ZBTB20: variants seen among roughly 807,000 people sequenced by gnomAD.
ZBTB20 encodes zinc finger and BTB domain containing 20.
A neutral mutation model predicts 56.9 loss-of-function variants in ZBTB20; 9 were observed. That is an observed-to-expected ratio of 0.16 (90% confidence interval 0.10 to 0.28). The LOEUF (loss-of-function observed/expected upper bound fraction) is 0.28, where lower values mean the gene tolerates loss of function less well. Ranked by LOEUF, ZBTB20 falls within the 10% of genes least tolerant of loss-of-function variation. ZBTB20 has a pLI of 1.00. For missense variants in ZBTB20, 655 were observed against 1,003.0 expected (o/e 0.65, Z 4.69); for synonymous variants, 417 against 420.7 (o/e 0.99, Z 0.11).
intron 1 of ZBTB20, among the ~76,000 whole-genome samples, chr3:115,106,272 C>T (rs1182222337): frequency 7.1e-6 from 1 of 141,272 alleles, no homozygotes; most frequent in Admixed American, 7.4e-5. Flanking sequence ...CTCACTCTGT[C>T]GCCCAGGCTG....
chr3:114,638,523 T>G (rs1335690451), intron 6 of ZBTB20, among the ~76,000 whole-genome samples: 2 of 152,104 alleles, frequency 1.3e-5, no homozygotes, highest in African/African-American at 2.4e-5. Flanking sequence ...CATTCATAAT[T>G]TGAATTCACC....
intron 5 of ZBTB20, among the ~76,000 whole-genome samples, chr3:114,740,188 T>A (rs574146393): frequency 6.6e-6 from 1 of 152,318 alleles, no homozygotes; most frequent in South Asian, 2.1e-4. Context: ...CCATGCCAAA[T>A]GTATATCAAA....
rs138462239 is a variant in ZBTB20, at chr3:114,464,364, G to A, written c.-255+35988C>T. On this transcript the variant is annotated intron_variant, in intron 7 of 11. Coordinates refer to ENST00000675478, the MANE Select transcript of ZBTB20 (RefSeq NM_001348800.3). ...AAAAACATGATCTCTTTTAAAAGGC[G>A]CACTTTACGTGAAACAATTTTAGGA... is the stretch of plus-strand genomic sequence containing the variant. 2.4e-3 allele frequency among the ~76,000 whole-genome samples: 369 copies of A among 152,170 alleles called. 2 individuals carry two copies. The highest frequency in any genetic ancestry group is 8.0e-3 in the African/African-American group (332 of 41,498).
intron 2 of ZBTB20, among the ~76,000 whole-genome samples, chr3:115,049,856 C>A (rs1198249212): frequency 6.6e-6 from 1 of 152,058 alleles, no homozygotes; most frequent in East Asian, 1.9e-4. Flanking sequence ...AGAGGTCAAT[C>A]TGCTAGAATA....
intron 6 of ZBTB20, among the ~76,000 whole-genome samples, chr3:114,654,419 T>C (rs2060287068): frequency 6.6e-6 from 1 of 152,004 alleles, no homozygotes; most frequent in South Asian, 2.1e-4. Flanking sequence ...AACTGGTCTT[T>C]TCTAGATATT....
At chr3:114,616,358 G>C (rs987592631) in intron 6 of ZBTB20, among the ~76,000 whole-genome samples, 3 of 152,134 alleles carry the variant, frequency 2.0e-5, no homozygotes, top group African/African-American at 7.2e-5. Flanking sequence ...TATTTTGCAC[G>C]ATTTTCCTAG....
At chr3:114,998,953 T>C (rs543091053) in intron 2 of ZBTB20, among the ~76,000 whole-genome samples, 1 of 138,572 alleles carries the variant, frequency 7.2e-6, no homozygotes, top group Admixed American at 8.0e-5. Flanking sequence ...AATCAGAATA[T>C]GGTATCATCG....
chr3:114,988,488 T>C (rs1475112939), intron 2 of ZBTB20, among the ~76,000 whole-genome samples: 5 of 152,096 alleles, frequency 3.3e-5, no homozygotes, highest in Non-Finnish European at 7.4e-5. Flanking sequence ...ATTTTCTTAA[T>C]CCAGTCTATC....
At chr3:114,894,747 A>T (rs1467668509) in intron 4 of ZBTB20, among the ~76,000 whole-genome samples, 1 of 152,178 alleles carries the variant, frequency 6.6e-6, no homozygotes, top group African/African-American at 2.4e-5. Flanking sequence ...CCCTGAGAAG[A>T]ACCAACCTGG....
chr3:114,694,451 A>C (rs1179151006), intron 5 of ZBTB20, among the ~76,000 whole-genome samples: 1 of 152,100 alleles, frequency 6.6e-6, no homozygotes, highest in African/African-American at 2.4e-5. Context: ...GAAAGCCTTG[A>C]AAATGGCCAG....
chr3:114,577,542 A>C (rs1047230190), intron 6 of ZBTB20, among the ~76,000 whole-genome samples: 5 of 152,246 alleles, frequency 3.3e-5, no homozygotes, highest in African/African-American at 1.2e-4. Context: ...AAGCTACTAA[A>C]AGCAGCCCAT....
intron 6 of ZBTB20, chr3:114,518,501 T>G (rs1358860231): frequency 1.3e-5 from 2 of 152,246 alleles, no homozygotes; most frequent in African/African-American, 2.4e-5. Context: ...GTGTTTTTCT[T>G]TTCTTGGCCC....
chr3:114,666,869 T>G lies in ZBTB20; in HGVS notation c.-295+26659A>C, dbSNP rs186127797. Among the ~76,000 whole-genome samples the G allele has an allele frequency of 4.0e-3, 607 of 152,094 alleles. 3 individuals are homozygous for G. The highest frequency in any genetic ancestry group is 0.014 in the African/African-American group (561 of 41,528). The stretch of plus-strand genomic sequence containing the variant: ...TATGGGTTGAAATTCCACAGAACAA[T>G]GCTTTGCAAAGAGTCATACCACCAG... On this transcript the variant is annotated intron_variant, in intron 6 of 11. Coordinates refer to ENST00000675478, the MANE Select transcript of ZBTB20 (RefSeq NM_001348800.3).
At chr3:115,052,840 T>C (rs987432278) in intron 2 of ZBTB20, among the ~76,000 whole-genome samples, 8 of 152,214 alleles carry the variant, frequency 5.3e-5, no homozygotes, top group African/African-American at 9.6e-5. Flanking sequence ...CAGAATCCCA[T>C]CACTGCAAAA....
At chr3:115,107,185 G>C (rs1339847487) in intron 1 of ZBTB20, among the ~76,000 whole-genome samples, 1 of 152,174 alleles carries the variant, frequency 6.6e-6, no homozygotes, top group African/African-American at 2.4e-5. Flanking sequence ...TCAGCACTTT[G>C]GGAGGCCAAG....
At chr3:114,781,979 T>C (rs191089535) in intron 5 of ZBTB20, among the ~76,000 whole-genome samples, 2 of 152,198 alleles carry the variant, frequency 1.3e-5, no homozygotes, top group African/African-American at 4.8e-5. Context: ...CAGTCTTGCA[T>C]GTCTTTATTG....
intron 4 of ZBTB20, among the ~76,000 whole-genome samples, chr3:114,850,370 C>T (rs1231239757): frequency 1.3e-5 from 2 of 152,090 alleles, no homozygotes; most frequent in African/African-American, 2.4e-5. Flanking sequence ...GTGTTCATAG[C>T]GAGATAGGTG....
At chr3:114,580,465 T>C (rs2054534230) in intron 6 of ZBTB20, among the ~76,000 whole-genome samples, 1 of 151,768 alleles carries the variant, frequency 6.6e-6, no homozygotes, top group Non-Finnish European at 1.5e-5. Context: ...AATGTGACTA[T>C]CCTATTCACA....
intron 6 of ZBTB20, among the ~76,000 whole-genome samples, chr3:114,677,655 T>C (rs2061709865): frequency 6.6e-6 from 1 of 152,132 alleles, no homozygotes; most frequent in Non-Finnish European, 1.5e-5. Flanking sequence ...ACAATATCAC[T>C]CATTCTGTTA....
Sources: allele counts gnomAD v4.1 joint callset (sites outside exome capture counted in the v4.1 genomes callset), GRCh38; gene constraint gnomAD v4.1.1; transcripts MANE v1.5; gene names NCBI Gene and HGNC (gene_info 2026-07-23, HGNC 2026-07-21).